WDSUB1: variants seen among roughly 807,000 people sequenced by gnomAD.
WDSUB1 encodes the protein WD repeat, SAM and U-box domain-containing protein 1.
A neutral mutation model predicts 53.9 loss-of-function variants in WDSUB1; 49 were observed. The ratio of observed to expected loss-of-function variants is 0.91; its 90% CI spans 0.72 to 1.15. The LOEUF (loss-of-function observed/expected upper bound fraction) is 1.15, where lower values mean the gene tolerates loss of function less well. Ranked by LOEUF, WDSUB1 falls within the 50% of genes most tolerant of loss-of-function variation. The pLI is 0.00. For missense variants in WDSUB1, 514 were observed against 562.0 expected, an observed-to-expected ratio of 0.91 and a Z score of 0.86; for synonymous variants, 194 against 200.6, an observed-to-expected ratio of 0.97 and a Z score of 0.28.
At chr2:159,244,838 A>G (rs1307521580) in intron 10 of WDSUB1, among the ~76,000 whole-genome samples, 1 of 152,112 alleles carries the variant, frequency 6.6e-6, no homozygotes, top group Non-Finnish European at 1.5e-5. Context: ...GCTGAGGCAG[A>G]AGGATTGCTT....
intron 5 of WDSUB1, among the ~76,000 whole-genome samples, chr2:159,260,148 GA>G (rs1468526556): frequency 6.6e-6 from 1 of 151,828 alleles, no homozygotes; most frequent in Non-Finnish European, 1.5e-5. Flanking sequence ...TAAAAATACA[GA>G]AAAAAATTAT....
intron 6 of WDSUB1, 21 bp downstream of exon 6, chr2:159,259,789 A>C: frequency 1.3e-6 from 2 of 1,515,348 alleles, no homozygotes; most frequent in Non-Finnish European, 1.8e-6. Context: ...ATAGATCACC[A>C]CAAGATTTTT....
At chr2:159,265,213 G>C (rs2061315758) in intron 5 of WDSUB1, among the ~76,000 whole-genome samples, 1 of 151,338 alleles carries the variant, frequency 6.6e-6, no homozygotes. Context: ...GACTGTTTGA[G>C]CCCAGGAAGT....
chr2:159,252,305 C>CAG (rs35416327), intron 9 of WDSUB1, among the ~76,000 whole-genome samples: 86,691 of 151,710 alleles, frequency 0.57, 26,073 homozygotes, highest in African/African-American at 0.72. Context: ...TCTGAAAAAA[C>CAG]AGCAACCAGA....
intron 10 of WDSUB1, among the ~76,000 whole-genome samples, chr2:159,239,757 T>A (rs983515767): frequency 6.6e-5 from 10 of 152,186 alleles, no homozygotes; most frequent in Admixed American, 6.5e-5. Context: ...ACCCCAGATC[T>A]GGATTGTTTT....
intron 5 of WDSUB1, among the ~76,000 whole-genome samples, chr2:159,266,337 C>T (rs576088018): frequency 2.6e-5 from 4 of 152,112 alleles, no homozygotes; most frequent in South Asian, 2.1e-4. Context: ...TACAGGCACC[C>T]GCCACAACGC....
In WDSUB1 at chr2:159,271,773, A is replaced by C; in HGVS notation, c.699T>G (p.Ser233Arg). 1 of 1,614,036 alleles carries C rather than the reference A, an allele frequency of 6.2e-7. No homozygotes were observed. The highest frequency in any genetic ancestry group is 8.5e-7 in the Non-Finnish European group (1 of 1,179,934). Residue 233 changes from serine (S) to arginine (R), a missense_variant, in exon 5 of 11, where the codon AGT (serine) becomes AGG (arginine). Coordinates refer to ENST00000359774, the MANE Select transcript of WDSUB1 (RefSeq NM_001128212.3). Reference protein sequence around the residue: ...HILGFELKYKSTLSGHCAPVL... With the variant: ...HILGFELKYKRTLSGHCAPVL... ...CAGGAGCACAGTGCCCACTCAGTGT[A>C]CTTTTATATTTTAATTCAAAACCTG...
chr2:159,252,806 A>G (rs931147977), intron 9 of WDSUB1, among the ~76,000 whole-genome samples: 1 of 152,240 alleles, frequency 6.6e-6, no homozygotes, highest in African/African-American at 2.4e-5. Context: ...AAATTAGAAA[A>G]TGATAAAAAT....
At chr2:159,271,604 G>A in intron 5 of WDSUB1, 98 bp downstream of exon 5, 1 of 1,015,342 alleles carries the variant, frequency 9.8e-7, no homozygotes, top group Non-Finnish European at 1.5e-6. Flanking sequence ...CCTTTGTGGT[G>A]GCTCATCAAG....
intron 4 of WDSUB1, among the ~76,000 whole-genome samples, chr2:159,272,127 C>T (rs777987379): frequency 3.9e-5 from 6 of 152,168 alleles, no homozygotes; most frequent in Admixed American, 2.0e-4. Flanking sequence ...CGTTTCAGCC[C>T]GCTGCGTACA....
At chr2:159,242,168 A>G (rs1326780185) in intron 10 of WDSUB1, among the ~76,000 whole-genome samples, 1 of 146,948 alleles carries the variant, frequency 6.8e-6, no homozygotes. Flanking sequence ...CTCCTGCCTC[A>G]GCCTCCCAAG....
At chr2:159,258,750 TAC>T (rs1428563202) in intron 6 of WDSUB1, among the ~76,000 whole-genome samples, 2 of 152,324 alleles carry the variant, frequency 1.3e-5, no homozygotes, top group East Asian at 3.9e-4. Context: ...ATACATATTT[TAC>T]AGAGACAATT....
chr2:159,254,167 TGAACTTTGAAGTAAAA>T (rs1406810171), intron 9 of WDSUB1, among the ~76,000 whole-genome samples: 1 of 152,260 alleles, frequency 6.6e-6, no homozygotes, highest in Non-Finnish European at 1.5e-5. Flanking sequence ...CCCATTTCAC[TGAACTTTGAAGTAAAA>T]TGATTACTAC....
intron 2 of WDSUB1, among the ~76,000 whole-genome samples, chr2:159,280,690 CAAAAAAA>C (rs58584838): frequency 2.5e-4 from 15 of 59,618 alleles, no homozygotes; most frequent in Non-Finnish European, 3.0e-4. Flanking sequence ...GACTCCGTCT[CAAAAAAA>C]AAAAAAAAAA....
chr2:159,281,717 A>G (rs2061668836), intron 2 of WDSUB1, among the ~76,000 whole-genome samples: 2 of 152,160 alleles, frequency 1.3e-5, no homozygotes, highest in Admixed American at 6.5e-5. Flanking sequence ...CATACCTGTA[A>G]TCCCAGCCCT....
intron 10 of WDSUB1, 74 bp from the exon 11 acceptor site, chr2:159,236,264 A>G: frequency 6.9e-7 from 1 of 1,439,514 alleles, no homozygotes; most frequent in East Asian, 2.4e-5. Flanking sequence ...AAGTGAATGT[A>G]AAAACTCCCT....
Position 159,248,908 on chromosome 2 carries a change from A to C in WDSUB1, c.1133-396T>G, listed in dbSNP as rs557063180. Among the ~76,000 whole-genome samples, 22 of 152,304 alleles carry C rather than the reference A, an allele frequency of 1.4e-4. No homozygotes were observed. The South Asian group carries it at 4.6e-3, about 32-fold the overall frequency. On this transcript the variant is annotated intron_variant, in intron 9 of 10. Coordinates refer to ENST00000359774, the MANE Select transcript of WDSUB1 (RefSeq NM_001128212.3). ...GGTGTGAGCCACCACAGCCAGCCAC[A>C]AATAGAGATTTTATCTACTACCACC...
rs546524887 is a variant in WDSUB1 at position 159,254,462 on chromosome 2, G to A, written c.1132+1734C>T. 5.3e-5 allele frequency among the ~76,000 whole-genome samples: 8 copies of A among 152,230 alleles called. No individual in the cohort carries two copies. The South Asian group carries it at 1.0e-3, about 20-fold the overall frequency. On this transcript the variant is annotated intron_variant, in intron 9 of 10. Coordinates refer to ENST00000359774, the MANE Select transcript of WDSUB1 (RefSeq NM_001128212.3). ...TGTGGTTCCAGCTACTCACGAGGCC[G>A]AGGTAGGAGGATCACTTGAGCCTAG...
intron 8 of WDSUB1, among the ~76,000 whole-genome samples, chr2:159,257,553 C>T (rs2061091863): frequency 6.6e-6 from 1 of 151,860 alleles, no homozygotes; most frequent in Non-Finnish European, 1.5e-5. Context: ...TGCTGAGCTA[C>T]TTTTTTGTAT....
Sources: allele counts gnomAD v4.1 joint callset (sites outside exome capture counted in the v4.1 genomes callset), GRCh38; gene constraint gnomAD v4.1.1; transcripts MANE v1.5; gene names NCBI Gene and HGNC (gene_info 2026-07-23, HGNC 2026-07-21).